NPLOC4: variants seen among roughly 807,000 people sequenced by gnomAD.
NPLOC4 encodes NPL4 homolog, ubiquitin recognition factor, also known as nuclear protein localization protein 4 homolog.
NPLOC4 carries 18 observed loss-of-function variants against 80.6 expected under a neutral mutation model. That is an observed-to-expected ratio of 0.22 (90% CI 0.15 to 0.33). The LOEUF is 0.33. Among genes scored for constraint, NPLOC4 ranks in the 10% least tolerant of loss-of-function variants. The pLI is 1.00. For synonymous variants in NPLOC4, 313 were observed against 301.5 expected (o/e 1.04, Z -0.39); for missense variants, 540 against 786.1 (o/e 0.69, Z 3.74).
In NPLOC4 at chr17:81,559,346, AGTGGCC is replaced by A. The variant is rs1462029386; in HGVS notation, c.1734_1739del (p.Thr580_Ala581del). The stretch of plus-strand genomic sequence containing the variant: ...AGTGCTGACAGGCCCACATGGCTGC[AGTGGCC>A]GTGTGTGTGGAGCCCCCGACGGCGC... On this transcript the variant is annotated inframe_deletion, in exon 17 of 17. Coordinates refer to ENST00000331134, the MANE Select transcript of NPLOC4 (RefSeq NM_017921.4). The A allele has an allele frequency of 6.2e-7, 1 of 1,607,300 alleles. No homozygotes were observed. Among genetic ancestry groups the A allele is most frequent in the Non-Finnish European group, 8.5e-7 (1 of 1,177,472 alleles).
intron 16 of NPLOC4, chr17:81,560,623 C>T (rs7501521): frequency 0.24 from 36,136 of 152,112 alleles, 4,606 homozygotes; most frequent in Admixed American, 0.3. Flanking sequence ...AGGAGAATGG[C>T]GTGAACCTGG....
chr17:81,565,367 G>C, intron 16 of NPLOC4, 138 bp downstream of exon 16: 1 of 776,528 alleles, frequency 1.3e-6, no homozygotes, highest in Non-Finnish European at 2.2e-6. Context: ...GTCTCTACTC[G>C]TTGCATTGCC....
rs1336627937 is a variant in NPLOC4, at chr17:81,557,510, C to G, written c.*1749G>C. On this transcript the variant is annotated 3_prime_UTR_variant, in exon 17 of 17. Coordinates refer to ENST00000331134, the MANE Select transcript of NPLOC4 (RefSeq NM_017921.4). ...AGAGGAACTGGCAACGCGGCTCTCTCTAGAAGTCCGTGCTGTCCAGCCTCT... is the reference window on the plus strand; with the variant it reads ...AGAGGAACTGGCAACGCGGCTCTCTGTAGAAGTCCGTGCTGTCCAGCCTCT... The G allele has an allele frequency of 6.6e-6, 1 of 152,256 alleles. No homozygotes were observed. The highest frequency in any genetic ancestry group is 1.5e-5 in the Non-Finnish European group (1 of 68,080). 9.4% of individuals were successfully genotyped at this position (152,256 alleles called of 1,614,324 possible). A position where few individuals can be genotyped will look rare whatever the true frequency, so the allele number is the denominator to read the frequency against.
At chr17:81,604,853 G>A (rs1208468362) in intron 7 of NPLOC4, 126 bp from the exon 8 acceptor site, 5 of 830,310 alleles carry the variant, frequency 6.0e-6, no homozygotes, top group African/African-American at 5.2e-5. Flanking sequence ...AATAGGGTGT[G>A]ATGGTGCATG....
chr17:81,567,400 C>G lies in NPLOC4; in HGVS notation c.1566+17G>C. The stretch of plus-strand genomic sequence containing the variant: ...AAAGCCCACTTGCTCAAGTGGACAC[C>G]ACACTTGGACACGCACCTGCAGAGG... On this transcript the variant is annotated intron_variant, in intron 15 of 16. Transcript: ENST00000331134. The surrounding 1 kb of genome is among the most constrained non-coding windows in gnomAD (Gnocchi z 4.5). The G allele has an allele frequency of 6.6e-7, 1 of 1,523,304 alleles. No homozygotes were observed. Among genetic ancestry groups the G allele is most frequent in the East Asian group, 2.3e-5 (1 of 44,338 alleles). 94.4% of individuals were successfully genotyped at this position (1,523,304 alleles called of 1,614,324 possible). A position where few individuals can be genotyped will look rare whatever the true frequency, so the allele number is the denominator to read the frequency against.
chr17:81,586,012 C>G (rs2034573869), intron 12 of NPLOC4, among the ~76,000 whole-genome samples: 1 of 151,912 alleles, frequency 6.6e-6, no homozygotes, highest in African/African-American at 2.4e-5. Context: ...AGGTCAGGCA[C>G]AGTGTCTCAT....
intron 8 of NPLOC4, among the ~76,000 whole-genome samples, chr17:81,600,707 G>A (rs752952605): frequency 6.6e-6 from 1 of 152,188 alleles, no homozygotes; most frequent in Non-Finnish European, 1.5e-5. Flanking sequence ...CAGGACTAAG[G>A]CAAGGCAAGG....
chr17:81,616,388 G>A (rs2035488955), intron 3 of NPLOC4, among the ~76,000 whole-genome samples: 1 of 149,978 alleles, frequency 6.7e-6, no homozygotes, highest in African/African-American at 2.5e-5. Flanking sequence ...TCAAGACCAA[G>A]TTTGGTCAAA....
intron 16 of NPLOC4, chr17:81,560,639 G>A (rs7504057): frequency 2.1e-4 from 32 of 152,408 alleles, no homozygotes; most frequent in Non-Finnish European, 4.3e-4. Flanking sequence ...CCTGGGAGGC[G>A]GAGGTTGCAG....
intron 8 of NPLOC4, among the ~76,000 whole-genome samples, chr17:81,604,267 T>C (rs745738707): frequency 4.5e-4 from 69 of 152,044 alleles, no homozygotes; most frequent in Non-Finnish European, 9.4e-4. Flanking sequence ...ACAGAGTCAA[T>C]GAGCAAACCT....
Position 81,636,915 on chromosome 17 carries a change from C to G in NPLOC4, c.15+1G>C. The G allele has an allele frequency of 7.1e-7, 1 of 1,404,312 alleles. No individual in the cohort carries two copies. Among genetic ancestry groups the G allele is most frequent in the Non-Finnish European group, 9.3e-7 (1 of 1,074,828 alleles). 87.0% of individuals were successfully genotyped at this position (1,404,312 alleles called of 1,614,324 possible). ...CGCTCCCGCCCGGCCGCCGCACTCA[C>G]GATGCTCTCGGCCATGGCGGCTGCT... On this transcript the variant is annotated splice_donor_variant, in intron 1 of 16. Coordinates refer to ENST00000331134, the MANE Select transcript of NPLOC4 (RefSeq NM_017921.4). LOFTEE classifies it high-confidence loss of function.
At chr17:81,626,782 T>TAAA (rs2035806769) in intron 2 of NPLOC4, among the ~76,000 whole-genome samples, 1 of 152,026 alleles carries the variant, frequency 6.6e-6, no homozygotes, top group South Asian at 2.1e-4. Context: ...TAGGCAAAAA[T>TAAA]AATAATAATA....
intron 9 of NPLOC4, among the ~76,000 whole-genome samples, 160 bp downstream of exon 9, chr17:81,600,181 A>G (rs1044201986): frequency 3.9e-5 from 6 of 152,116 alleles, no homozygotes; most frequent in Admixed American, 1.3e-4. Context: ...CCCAACAAAC[A>G]TATGTGAAGT....
intron 16 of NPLOC4, 125 bp from the exon 17 acceptor site, chr17:81,559,541 G>C (rs995662756): frequency 1.1e-5 from 12 of 1,105,810 alleles, no homozygotes; most frequent in Admixed American, 2.7e-5. Context: ...CCCAGTGCTG[G>C]TCCTGCCCAC....
At chr17:81,634,119 G>A (rs1306197290) in intron 1 of NPLOC4, among the ~76,000 whole-genome samples, 1 of 151,190 alleles carries the variant, frequency 6.6e-6, no homozygotes, top group Non-Finnish European at 1.5e-5. Context: ...CAATCCACCT[G>A]CCTCGGCCTT....
Position 81,571,965 on chromosome 17 carries a change from A to G in NPLOC4, c.1353+52T>C, listed in dbSNP as rs1004313141. ...CAGCCACCACCCAGCAGTCCCACCT[A>G]CAAGGCGCCCAATGGGTCCACCTGC... On this transcript the variant is annotated intron_variant, in intron 13 of 16. Transcript: ENST00000331134. 6.3e-6 allele frequency: 9 copies of G among 1,417,860 alleles called. No homozygotes were observed. In the African/African-American group the frequency reaches 1.1e-4, roughly 18 times the overall value. The allele number at this position is 1,417,860 out of a possible 1,614,324, so 87.8% of individuals were successfully genotyped here. A position where few individuals can be genotyped will look rare whatever the true frequency, so the allele number is the denominator to read the frequency against.
At chr17:81,636,430 T>A (rs1042390406) in intron 1 of NPLOC4, 1 of 153,282 alleles carries the variant, frequency 6.5e-6, no homozygotes, top group Non-Finnish European at 1.5e-5. Flanking sequence ...CTCTGTAACG[T>A]CCCCGTCTGC....
At chr17:81,565,711 G>A (rs1015621623) in intron 15 of NPLOC4, 104 bp from the exon 16 acceptor site, 16 of 867,552 alleles carry the variant, frequency 1.8e-5, no homozygotes, top group Non-Finnish European at 2.6e-5. Context: ...TATTTCTGAG[G>A]ACATTTTAAA....
chr17:81,600,081 G>A (rs983321655), intron 9 of NPLOC4, among the ~76,000 whole-genome samples: 2 of 151,912 alleles, frequency 1.3e-5, no homozygotes. Flanking sequence ...AAATATAACA[G>A]CCAGATCTGC....
Sources: allele counts gnomAD v4.1 joint callset (sites outside exome capture counted in the v4.1 genomes callset), GRCh38; gene constraint gnomAD v4.1.1; non-coding constraint Gnocchi (gnomAD v3.1); transcripts MANE v1.5; gene names NCBI Gene and HGNC (gene_info 2026-07-23, HGNC 2026-07-21).